The following NOS1AP variants were observed in gnomAD, a reference collection of about 807,000 sequenced individuals.
The protein encoded by NOS1AP is nitric oxide synthase 1 adaptor protein.
In NOS1AP, 21 loss-of-function variants were observed where a neutral mutation model predicts 56.2. The ratio of observed to expected loss-of-function variants is 0.37; its 90% confidence interval spans 0.26 to 0.54. The LOEUF is 0.54. Among genes scored for constraint, NOS1AP ranks in the 20% least tolerant of loss-of-function variants. The pLI is 0.84. For synonymous variants in NOS1AP, 270 were observed against 274.6 expected (o/e 0.98, Z 0.17); for missense variants, 522 against 657.8 (o/e 0.79, Z 2.26).
chr1:162,186,632 A>G (rs1334950081), intron 2 of NOS1AP, among the ~76,000 whole-genome samples: 1 of 152,134 alleles, frequency 6.6e-6, no homozygotes, highest in African/African-American at 2.4e-5. Context: ...TAGTGTCCTT[A>G]GAAGAAGTGA....
intron 4 of NOS1AP, among the ~76,000 whole-genome samples, chr1:162,324,837 G>A (rs1306038929): frequency 6.6e-6 from 1 of 152,204 alleles, no homozygotes; most frequent in Non-Finnish European, 1.5e-5. Flanking sequence ...GAAGTGATGA[G>A]CTTGACTGTC....
At chr1:162,102,642 T>C (rs1294960758) in intron 1 of NOS1AP, among the ~76,000 whole-genome samples, 2 of 152,160 alleles carry the variant, frequency 1.3e-5, no homozygotes, top group African/African-American at 4.8e-5. Context: ...AGGGATTCAG[T>C]TTCTTCCTGG....
At chr1:162,251,752 A>G (rs1488763221) in intron 2 of NOS1AP, among the ~76,000 whole-genome samples, 1 of 150,826 alleles carries the variant, frequency 6.6e-6, no homozygotes, top group Non-Finnish European at 1.5e-5. Context: ...CAGTGGTATG[A>G]TCATGGCTCA....
At chr1:162,215,947 A>G (rs571183656) in intron 2 of NOS1AP, among the ~76,000 whole-genome samples, 1 of 152,334 alleles carries the variant, frequency 6.6e-6, no homozygotes, top group South Asian at 2.1e-4. Flanking sequence ...TCATAGCATT[A>G]TAACTCACTG....
chr1:162,070,012 G>T lies in NOS1AP; in HGVS notation c.-166G>T. On this transcript the variant is annotated 5_prime_UTR_variant, in exon 1 of 10. Transcript: ENST00000361897. ...TCAGCCCGCTGCCGCTCGGCCCTCG[G>T]CACCGCTCCGGGTCCGGCCGCCGCG... The T allele has an allele frequency of 2.4e-6, 1 of 425,116 alleles. No homozygotes were observed. 26.3% of individuals were successfully genotyped at this position (425,116 alleles called of 1,614,324 possible).
intron 1 of NOS1AP, among the ~76,000 whole-genome samples, chr1:162,123,396 T>A (rs984964328): frequency 3.3e-5 from 5 of 152,176 alleles, no homozygotes; most frequent in African/African-American, 1.2e-4. Flanking sequence ...GGTCTCGAAC[T>A]TCTGACCTCA....
In NOS1AP at chr1:162,264,647, C is replaced by T. The variant is rs1654361566; in HGVS notation, c.178-22697C>T. Among the ~76,000 whole-genome samples the T allele has an allele frequency of 2.0e-5, 3 of 151,102 alleles. No individual in the cohort carries two copies. In the South Asian group the frequency reaches 6.3e-4, roughly 32 times the overall value. ...TCAGCCTCCCGAGTAGCTGGGATTACAGGCATGTGCCACCACACCTGGCTA... is the reference window on the plus strand; with the variant it reads ...TCAGCCTCCCGAGTAGCTGGGATTATAGGCATGTGCCACCACACCTGGCTA... On this transcript the variant is annotated intron_variant, in intron 2 of 9. Coordinates refer to ENST00000361897, the MANE Select transcript of NOS1AP (RefSeq NM_014697.3).
rs1658051930 is a variant in NOS1AP at position 162,365,419 on chromosome 1, G to A, written c.955G>A (p.Asp319Asn). The change falls in exon 9 of 10, where the codon GAC becomes AAC. Residue 319 changes from aspartate (D) to asparagine (N), a missense_variant. Transcript: ENST00000361897. Reference sequence around the variant, plus strand: ...TTCTCTGCAGGTACACTTGCTGAAGGACCAGTTGGCTGCTGAGGCTGCGGC... The same window carrying A: ...TTCTCTGCAGGTACACTTGCTGAAGAACCAGTTGGCTGCTGAGGCTGCGGC... ...VAVAQVHLLK[D>N]QLAAEAAARL... is the part of the protein sequence containing the mutation. The A allele has an allele frequency of 1.9e-6, 3 of 1,613,978 alleles. No individual in the cohort carries two copies. The South Asian group carries it at 3.3e-5, about 18-fold the overall frequency.
chr1:162,162,919 G>A (rs114757654), intron 2 of NOS1AP, among the ~76,000 whole-genome samples: 3,916 of 151,950 alleles, frequency 0.026, 69 homozygotes, highest in Admixed American at 0.036. Flanking sequence ...TTTGGGGCGC[G>A]AACCCCAAAA....
intron 2 of NOS1AP, among the ~76,000 whole-genome samples, chr1:162,283,006 C>T (rs1041919442): frequency 8.5e-5 from 13 of 152,060 alleles, no homozygotes; most frequent in Non-Finnish European, 1.9e-4. Context: ...GAGAGTGTAT[C>T]ACCAGCCAAA....
At chr1:162,134,260 G>A (rs903765311) in intron 1 of NOS1AP, among the ~76,000 whole-genome samples, 11 of 152,096 alleles carry the variant, frequency 7.2e-5, no homozygotes, top group Non-Finnish European at 1.6e-4. Context: ...GGAGGCCGAG[G>A]CAGACAGATC....
rs1278643173 is a variant in NOS1AP, at chr1:162,367,752, A to G, written c.*285A>G. ...TGGCTTCAGGAGAGGGTCTCTCTCC[A>G]GGACTGCCAGGCTGCTGGAGGACCT... On this transcript the variant is annotated 3_prime_UTR_variant, in exon 10 of 10. Transcript: ENST00000361897. The surrounding 1 kb of genome is among the most constrained non-coding windows in gnomAD (Gnocchi z 6.5). 1 of 425,248 alleles carries G rather than the reference A, an allele frequency of 2.4e-6. No homozygotes were observed. The highest frequency in any genetic ancestry group is 4.3e-6 in the Non-Finnish European group (1 of 234,986). 26.3% of individuals were successfully genotyped at this position (425,248 alleles called of 1,614,324 possible). A position where few individuals can be genotyped will look rare whatever the true frequency, so the allele number is the denominator to read the frequency against.
intron 4 of NOS1AP, chr1:162,317,646 A>G (rs1656273926): frequency 1.3e-5 from 2 of 152,172 alleles, no homozygotes; most frequent in South Asian, 4.1e-4. Context: ...GCCCTCGTAT[A>G]TCTACATGAG....
At chr1:162,107,236 G>C (rs945755409) in intron 1 of NOS1AP, among the ~76,000 whole-genome samples, 2 of 152,040 alleles carry the variant, frequency 1.3e-5, no homozygotes, top group African/African-American at 2.4e-5. Context: ...AATAGAAAAA[G>C]GAGAAGAGGG....
chr1:162,236,698 C>T (rs1342037444), intron 2 of NOS1AP, among the ~76,000 whole-genome samples: 1 of 152,190 alleles, frequency 6.6e-6, no homozygotes, highest in Non-Finnish European at 1.5e-5. Flanking sequence ...TGTATTCCTG[C>T]ATTCCTCAAT....
intron 2 of NOS1AP, among the ~76,000 whole-genome samples, chr1:162,236,075 G>A (rs376971051): frequency 6.6e-6 from 1 of 152,248 alleles, no homozygotes. Flanking sequence ...GACAAATATA[G>A]GTTAGTTAAA....
intron 2 of NOS1AP, among the ~76,000 whole-genome samples, chr1:162,178,317 C>T (rs944404099): frequency 1.3e-5 from 2 of 152,244 alleles, no homozygotes; most frequent in Middle Eastern, 3.4e-3. Context: ...CATCTGTGAG[C>T]AGCTTTTTGT....
chr1:162,118,402 A>G (rs191153899), intron 1 of NOS1AP, among the ~76,000 whole-genome samples: 1 of 152,356 alleles, frequency 6.6e-6, no homozygotes, highest in African/African-American at 2.4e-5. Flanking sequence ...AATGGCCTCC[A>G]GCTACATCCA....
intron 2 of NOS1AP, among the ~76,000 whole-genome samples, chr1:162,166,484 C>T (rs1650504263): frequency 6.6e-6 from 1 of 152,230 alleles, no homozygotes; most frequent in African/African-American, 2.4e-5. Flanking sequence ...CCTGTCTCTT[C>T]AAACCTCAGC....
Sources: allele counts gnomAD v4.1 joint callset (sites outside exome capture counted in the v4.1 genomes callset), GRCh38; gene constraint gnomAD v4.1.1; non-coding constraint Gnocchi (gnomAD v3.1); transcripts MANE v1.5; gene names NCBI Gene and HGNC (gene_info 2026-07-23, HGNC 2026-07-21).